The following STAG1 variants were observed in gnomAD, a reference collection of about 807,000 sequenced individuals.
The protein encoded by STAG1 is STAG1 cohesin complex component, also known as cohesin subunit SA-1.
A neutral mutation model predicts 170.9 loss-of-function variants in STAG1; 26 were observed. The ratio of observed to expected loss-of-function variants is 0.15; its 90% confidence interval spans 0.11 to 0.21. STAG1 has a LOEUF of 0.21. Among genes scored for constraint, STAG1 ranks in the 10% least tolerant of loss-of-function variants. The probability of loss-of-function intolerance (pLI) is 1.00; values close to 1 mark genes in which losing one functional copy is unlikely to be tolerated. For missense variants in STAG1, 964 were observed against 1,509.5 expected, an observed-to-expected ratio of 0.64 and a Z score of 5.99; for synonymous variants, 514 against 497.7, an observed-to-expected ratio of 1.03 and a Z score of -0.44.
intron 9 of STAG1, chr3:136,499,672 A>G (rs189352217): frequency 6.6e-6 from 1 of 152,550 alleles, no homozygotes; most frequent in East Asian, 1.9e-4. Context: ...AAGACAAACT[A>G]AAATCATTAG....
At position 136,477,268 on chromosome 3, in the gene STAG1, G is replaced by C. The variant is rs377191841; in HGVS notation, c.1026+21C>G. On this transcript the variant is annotated intron_variant, in intron 10 of 33. Transcript: ENST00000383202. ...TGAGACAAACATAACTTCCATCAAAGCTTAGAACAGAGTAACTTACCCTGT... is the reference window on the plus strand; with the variant it reads ...TGAGACAAACATAACTTCCATCAAACCTTAGAACAGAGTAACTTACCCTGT... 4.8e-4 allele frequency: 767 copies of C among 1,601,474 alleles called. 9 individuals are homozygous for C. The South Asian group carries it at 8.3e-3, about 17-fold the overall frequency.
At chr3:136,707,873 A>G (rs1394396389) in intron 1 of STAG1, among the ~76,000 whole-genome samples, 1 of 152,104 alleles carries the variant, frequency 6.6e-6, no homozygotes, top group Non-Finnish European at 1.5e-5. Flanking sequence ...ATACCTCCCA[A>G]TAGGTCCCAC....
At chr3:136,614,943 T>TA (rs1248090082) in intron 3 of STAG1, among the ~76,000 whole-genome samples, 1 of 152,090 alleles carries the variant, frequency 6.6e-6, no homozygotes, top group Admixed American at 6.6e-5. Flanking sequence ...AATTAAAAGA[T>TA]AAAGAGATAA....
In STAG1 at chr3:136,349,235, C is replaced by T; in HGVS notation, c.3194G>A (p.Ser1065Asn). The change falls in exon 29 of 34, where the codon AGT becomes AAT. Residue 1065 changes from serine (S) to asparagine (N), a missense_variant. Physicochemically the swap from Ser to Asn is conservative, Grantham distance 46. Coordinates refer to ENST00000383202, the MANE Select transcript of STAG1 (RefSeq NM_005862.3). ...TGAGGTTTTGCTGCTGCTACTTCCA[C>T]TGTTCACAGACATTCTATCATCTTC... is the stretch of plus-strand genomic sequence containing the variant. ...GGEDDRMSVNSGSSSSKTSSV... is the reference protein window; with the variant it reads ...GGEDDRMSVNNGSSSSKTSSV... 2 of 1,614,134 alleles carry T rather than the reference C, an allele frequency of 1.2e-6. No homozygotes were observed. Among genetic ancestry groups the T allele is most frequent in the Non-Finnish European group, 1.7e-6 (2 of 1,180,000 alleles).
chr3:136,737,213 C>T, intron 1 of STAG1: 1 of 672,448 alleles, frequency 1.5e-6, no homozygotes, highest in Admixed American at 1.8e-5. Context: ...GTCCCGCTCT[C>T]TCCTGAAGCC....
intron 21 of STAG1, among the ~76,000 whole-genome samples, chr3:136,407,236 G>C (rs932307508): frequency 3.3e-5 from 5 of 152,120 alleles, no homozygotes; most frequent in Admixed American, 2.0e-4. Flanking sequence ...ATACTGGCCA[G>C]GCTGGTCTCG....
At chr3:136,372,505 T>G (rs1027828224) in intron 23 of STAG1, among the ~76,000 whole-genome samples, 4 of 152,212 alleles carry the variant, frequency 2.6e-5, no homozygotes, top group African/African-American at 9.6e-5. Flanking sequence ...TAGCTCTTAT[T>G]ATTTTGAGAC....
At chr3:136,473,778 GTA>G in intron 10 of STAG1, 141 bp from the exon 11 acceptor site, 1 of 603,128 alleles carries the variant, frequency 1.7e-6, no homozygotes, top group Non-Finnish European at 2.9e-6. Flanking sequence ...CTGAACAATT[GTA>G]TAGTGTGTGT....
chr3:136,580,726 G>T (rs926458037), intron 4 of STAG1, among the ~76,000 whole-genome samples: 1 of 150,560 alleles, frequency 6.6e-6, no homozygotes, highest in Non-Finnish European at 1.5e-5. Flanking sequence ...GTAGAGACGG[G>T]GTTTCACCTT....
chr3:136,463,786 C>T (rs1198241269), intron 13 of STAG1, among the ~76,000 whole-genome samples: 2 of 132,604 alleles, frequency 1.5e-5, no homozygotes, highest in African/African-American at 5.4e-5. Flanking sequence ...CACACACACA[C>T]ACACATATAC....
chr3:136,346,660 A>C (rs752971016), intron 29 of STAG1, among the ~76,000 whole-genome samples: 2 of 152,240 alleles, frequency 1.3e-5, no homozygotes, highest in Non-Finnish European at 2.9e-5. Flanking sequence ...ACATTTATAC[A>C]CTTATACGTC....
At chr3:136,387,365 G>C (rs1313237786) in intron 22 of STAG1, among the ~76,000 whole-genome samples, 1 of 152,174 alleles carries the variant, frequency 6.6e-6, no homozygotes, top group African/African-American at 2.4e-5. Flanking sequence ...GAGCTATAAA[G>C]ATCTTTGGAG....
At chr3:136,529,707 A>C (rs1481150249) in intron 6 of STAG1, among the ~76,000 whole-genome samples, 1 of 152,196 alleles carries the variant, frequency 6.6e-6, no homozygotes, top group Non-Finnish European at 1.5e-5. Context: ...AACACACAAA[A>C]GTATAAGTCT....
chr3:136,587,059 G>A, intron 4 of STAG1: 1 of 340,128 alleles, frequency 2.9e-6, no homozygotes, highest in Non-Finnish European at 5.8e-6. Flanking sequence ...ATAAGCTACT[G>A]ATTTAAAGTA....
chr3:136,554,882 T>C (rs1936544156), intron 5 of STAG1, among the ~76,000 whole-genome samples: 1 of 151,462 alleles, frequency 6.6e-6, no homozygotes, highest in Non-Finnish European at 1.5e-5. Context: ...TGAGAACCCG[T>C]CTCAAAAAAT....
intron 5 of STAG1, among the ~76,000 whole-genome samples, chr3:136,543,877 C>T (rs1936024997): frequency 1.3e-5 from 2 of 152,250 alleles, no homozygotes; most frequent in South Asian, 4.1e-4. Context: ...GTATTAGACT[C>T]TCCTACTTTG....
chr3:136,680,844 G>C (rs903745723), intron 1 of STAG1, among the ~76,000 whole-genome samples: 4 of 151,314 alleles, frequency 2.6e-5, no homozygotes, highest in Non-Finnish European at 5.9e-5. Flanking sequence ...TATATATACA[G>C]TCATTCCTCA....
Position 136,722,514 on chromosome 3 carries a change from A to C in STAG1, c.-84+29681T>G, listed in dbSNP as rs74736054. ...AGTAAGGGGGCTATAGGAGATTACA[A>C]GTTTTTAAGTAACTGTATGAGGAAT... On this transcript the variant is annotated intron_variant, in intron 1 of 33. Coordinates refer to ENST00000383202, the MANE Select transcript of STAG1 (RefSeq NM_005862.3). Among the ~76,000 whole-genome samples, 624 of 152,294 alleles carry C rather than the reference A, an allele frequency of 4.1e-3. 9 individuals are homozygous for C. In the East Asian group the frequency reaches 0.046, roughly 11 times the overall value.
chr3:136,736,981 T>C (rs1934378352), intron 1 of STAG1: 6 of 1,596,250 alleles, frequency 3.8e-6, no homozygotes, highest in Non-Finnish European at 5.1e-6. Context: ...AGCATCATCT[T>C]GATTTTTGTC....
Sources: allele counts gnomAD v4.1 joint callset (sites outside exome capture counted in the v4.1 genomes callset), GRCh38; gene constraint gnomAD v4.1.1; transcripts MANE v1.5; gene names NCBI Gene and HGNC (gene_info 2026-07-23, HGNC 2026-07-21).